The following SCMH1 variants were observed in gnomAD, a reference collection of about 807,000 sequenced individuals.
SCMH1 encodes the protein Scm polycomb group protein homolog 1, also known as polycomb protein SCMH1.
Under a neutral mutation model 70.8 loss-of-function variants are expected in SCMH1, and 37 were observed. That is an observed-to-expected ratio of 0.52 (90% CI 0.40 to 0.69). The LOEUF is 0.69. Among genes scored for constraint, SCMH1 ranks in the 30% least tolerant of loss-of-function variants. The pLI is 0.00. For synonymous variants in SCMH1, 292 were observed against 307.4 expected (o/e 0.95, Z 0.52); for missense variants, 607 against 827.3 (o/e 0.73, Z 3.27).
At chr1:41,059,677 G>GGCAGA (rs537489203) in intron 10 of SCMH1, among the ~76,000 whole-genome samples, 46 of 152,304 alleles carry the variant, frequency 3.0e-4, no homozygotes, top group African/African-American at 1.1e-3. Context: ...ATCTGTAGAT[G>GGCAGA]GCAGAGCTAA....
intron 8 of SCMH1, among the ~76,000 whole-genome samples, chr1:41,092,470 C>T (rs1340885186): frequency 6.6e-6 from 1 of 152,158 alleles, no homozygotes; most frequent in Admixed American, 6.5e-5. Context: ...TGGGCAAGGA[C>T]TTCATGTCTA....
intron 8 of SCMH1, among the ~76,000 whole-genome samples, chr1:41,080,013 T>C (rs1659518238): frequency 1.3e-5 from 2 of 152,196 alleles, no homozygotes; most frequent in Non-Finnish European, 2.9e-5. Flanking sequence ...ATTTTTTATA[T>C]AGATATTTCT....
At chr1:41,213,884 A>T (rs1378382576) in intron 1 of SCMH1, among the ~76,000 whole-genome samples, 1 of 140,520 alleles carries the variant, frequency 7.1e-6, no homozygotes, top group Non-Finnish European at 1.6e-5. Context: ...AATTGCTTAC[A>T]TTTTTTTTTA....
chr1:41,204,895 C>T (rs1467803014), intron 1 of SCMH1, among the ~76,000 whole-genome samples: 2 of 151,988 alleles, frequency 1.3e-5, no homozygotes, highest in African/African-American at 2.4e-5. Flanking sequence ...TGGGTATATG[C>T]TAATTTAATA....
At chr1:41,062,145 C>T (rs918265126) in intron 10 of SCMH1, among the ~76,000 whole-genome samples, 9 of 151,848 alleles carry the variant, frequency 5.9e-5, no homozygotes, top group African/African-American at 1.9e-4. Context: ...GGATTACAGG[C>T]GTGAGCCACC....
At chr1:41,166,260 G>T (rs1235044631) in intron 2 of SCMH1, among the ~76,000 whole-genome samples, 1 of 152,040 alleles carries the variant, frequency 6.6e-6, no homozygotes, top group Admixed American at 6.6e-5. Flanking sequence ...AATAAATTTT[G>T]CAATACAGTA....
intron 1 of SCMH1, among the ~76,000 whole-genome samples, chr1:41,202,615 A>G (rs1654620589): frequency 6.6e-6 from 1 of 152,194 alleles, no homozygotes; most frequent in African/African-American, 2.4e-5. Flanking sequence ...AGTGCAATTC[A>G]TAACTTTTTG....
intron 7 of SCMH1, among the ~76,000 whole-genome samples, chr1:41,114,548 C>T (rs1669975235): frequency 6.6e-6 from 1 of 152,036 alleles, no homozygotes; most frequent in Non-Finnish European, 1.5e-5. Context: ...AGGATTTTGA[C>T]TGGAATTACA....
At chr1:41,172,250 G>T (rs1201114210) in intron 2 of SCMH1, among the ~76,000 whole-genome samples, 4 of 150,362 alleles carry the variant, frequency 2.7e-5, no homozygotes, top group African/African-American at 7.3e-5. Flanking sequence ...CAGGAAAGCT[G>T]CAGGACATAA....
chr1:41,126,650 G>A (rs955586577), intron 6 of SCMH1, among the ~76,000 whole-genome samples: 4 of 151,948 alleles, frequency 2.6e-5, no homozygotes, highest in African/African-American at 7.3e-5. Context: ...AAAAGTTAGC[G>A]TATTATATAT....
At chr1:41,080,789 A>G (rs1036176860) in intron 8 of SCMH1, among the ~76,000 whole-genome samples, 4 of 152,182 alleles carry the variant, frequency 2.6e-5, no homozygotes, top group African/African-American at 9.6e-5. Flanking sequence ...AAACGCATCT[A>G]TAAAAAACCT....
At chr1:41,058,996 C>T (rs932190217) in intron 10 of SCMH1, among the ~76,000 whole-genome samples, 1 of 152,150 alleles carries the variant, frequency 6.6e-6, no homozygotes, top group Non-Finnish European at 1.5e-5. Flanking sequence ...GGGAGACCAT[C>T]GAAGAGTTTA....
At chr1:41,136,773 C>CTTT (rs67410901) in intron 6 of SCMH1, among the ~76,000 whole-genome samples, 91 of 108,412 alleles carry the variant, frequency 8.4e-4, no homozygotes, top group African/African-American at 9.9e-4. Context: ...AAGGACAGTA[C>CTTT]TTTTTTTTTT....
chr1:41,160,887 T>C (rs1645962176), exon 4 of SCMH1: 1 of 1,550,308 alleles, frequency 6.5e-7, no homozygotes, highest in Non-Finnish European at 8.7e-7. Context: ...AGATCCAGGA[T>C]GTCAGCAGCT....
intron 1 of SCMH1, among the ~76,000 whole-genome samples, chr1:41,194,789 T>A (rs189176946): frequency 1.3e-5 from 2 of 152,302 alleles, no homozygotes; most frequent in African/African-American, 4.8e-5. Context: ...TCTTGGGCAG[T>A]GTGGAACCAG....
chr1:41,050,144 G>C (rs773499981), intron 10 of SCMH1, among the ~76,000 whole-genome samples: 3 of 152,074 alleles, frequency 2.0e-5, no homozygotes, highest in Non-Finnish European at 4.4e-5. Flanking sequence ...CAGTGGGGAA[G>C]GGGTGCAGTG....
At chr1:41,211,462 C>T (rs981940823) in intron 1 of SCMH1, among the ~76,000 whole-genome samples, 2 of 152,176 alleles carry the variant, frequency 1.3e-5, no homozygotes, top group African/African-American at 4.8e-5. Flanking sequence ...ATCAAAACCA[C>T]AATGAGATAC....
rs957306426 is a variant in SCMH1 at position 41,092,318 on chromosome 1, A to G, written c.746-16867T>C. Among the ~76,000 whole-genome samples the G allele has an allele frequency of 1.2e-4, 19 of 152,342 alleles. No homozygotes were observed. The East Asian group carries it at 1.7e-3, about 14-fold the overall frequency. On this transcript the variant is annotated intron_variant, in intron 8 of 14. Transcript: ENST00000337495. The stretch of plus-strand genomic sequence containing the variant: ...ATGGTGCTGGGAAAACTGGCTGGCC[A>G]TATGTAGAAAGCTGAAACTGGATCC...
chr1:41,127,466 C>T (rs1673496208), intron 6 of SCMH1, among the ~76,000 whole-genome samples: 1 of 152,100 alleles, frequency 6.6e-6, no homozygotes, highest in Non-Finnish European at 1.5e-5. Context: ...CATTTTTTTA[C>T]ATTTTGATCT....
Sources: gnomAD v4.1 joint callset for allele counts (sites outside exome capture counted in the v4.1 genomes callset) on GRCh38, gnomAD v4.1.1 for gene constraint, MANE v1.5 for transcripts, NCBI Gene and HGNC (gene_info 2026-07-23, HGNC 2026-07-21) for gene names.